Variants in P2RX5 observed in about 807,000 individuals in gnomAD.
P2RX5 encodes the protein purinergic receptor P2X 5.
Under a neutral mutation model 54.1 loss-of-function variants are expected in P2RX5, and 46 were observed. The ratio of observed to expected loss-of-function variants is 0.85; its 90% CI spans 0.67 to 1.09. The LOEUF is 1.09. Ranked by LOEUF, P2RX5 falls within the 50% of genes least tolerant of loss-of-function variation. The pLI, the probability that P2RX5 is intolerant of heterozygous loss-of-function variation, is 0.00. For synonymous variants in P2RX5, 226 were observed against 226.4 expected (o/e 1.00, Z 0.02); for missense variants, 566 against 549.8 (o/e 1.03, Z -0.29).
the P2RX5 span, among the ~76,000 whole-genome samples, chr17:3,704,032 G>A: frequency 6.6e-6 from 1 of 152,106 alleles, no homozygotes; most frequent in Admixed American, 6.6e-5. Context: ...AACCCAGGAG[G>A]CAGAGGTTGT....
chr17:3,690,728 G>C, intron 3 of P2RX5, 48 bp from the exon 4 acceptor site: 4 of 1,584,138 alleles, frequency 2.5e-6, no homozygotes, highest in Admixed American at 1.7e-5. Context: ...CCCCAGCTCA[G>C]AGCCGGGTCC....
chr17:3,680,161 GTCCTCCACCCTGCA>G (rs2050213496), intron 10 of P2RX5, among the ~76,000 whole-genome samples: 5 of 60,076 alleles, frequency 8.3e-5, no homozygotes, highest in Admixed American at 1.8e-4. Flanking sequence ...TCCATCCGGT[GTCCTCCACCCTGCA>G]TCCTCCACCC....
the P2RX5 span, chr17:3,716,784 G>C: frequency 6.3e-7 from 1 of 1,587,888 alleles, no homozygotes; most frequent in Middle Eastern, 1.7e-4. Flanking sequence ...CATCTTTCAG[G>C]AAGACGACAG....
intron 11 of P2RX5, chr17:3,677,963 G>A (rs2050141802): frequency 1.0e-6 from 1 of 985,422 alleles, no homozygotes. Context: ...AGAGATGGCT[G>A]TGCCTGGAAG....
the P2RX5 span, among the ~76,000 whole-genome samples, chr17:3,709,108 C>T: frequency 2.6e-5 from 4 of 152,088 alleles, no homozygotes; most frequent in East Asian, 1.9e-4. Context: ...CCTGCCACAA[C>T]GCCAGGCTAA....
chr17:3,690,187 C>G (rs767968164), intron 5 of P2RX5, 37 bp from the exon 6 acceptor site: 1 of 1,573,840 alleles, frequency 6.4e-7, no homozygotes, highest in Non-Finnish European at 8.7e-7. Context: ...CCAGGAGGCC[C>G]CACCCCTGTG....
chr17:3,700,564 C>T (rs1216961492), upstream of P2RX5, among the ~76,000 whole-genome samples: 1 of 151,378 alleles, frequency 6.6e-6, no homozygotes, highest in African/African-American at 2.4e-5. Flanking sequence ...AAGTCAGGGA[C>T]ATTTCCAAAA....
the P2RX5 span, chr17:3,717,325 C>G: frequency 6.5e-6 from 1 of 153,414 alleles, no homozygotes; most frequent in South Asian, 2.0e-4. Context: ...TGGTCTTCCC[C>G]TCACCAGACT....
rs1567736266 is a variant in P2RX5, at chr17:3,688,756, C to T, written c.757G>A (p.Gly253Ser). The stretch of plus-strand genomic sequence containing the variant: ...CATTCAATATTAATTCCTATCACGC[C>T]ACCCTTGATAAAAGAGAGATGAGGG... ...SDFQDIALEG[G>S]VIGINIEWNC... The change falls in exon 8 of 12, where the codon GGC (glycine) becomes AGC (serine). Residue 253 changes from glycine to serine, a missense_variant. Gly to Ser is a moderately conservative substitution (Grantham distance 56). Coordinates refer to ENST00000225328, the MANE Select transcript of P2RX5 (RefSeq NM_002561.4). 1 of 1,614,092 alleles carries T rather than the reference C, an allele frequency of 6.2e-7. No homozygotes were observed. Among genetic ancestry groups the T allele is most frequent in the East Asian group, 2.2e-5 (1 of 44,896 alleles).
chr17:3,716,843 CAAG>C, the P2RX5 span: 1 of 1,159,250 alleles, frequency 8.6e-7, no homozygotes, highest in Non-Finnish European at 1.3e-6. Flanking sequence ...GTGAAGCAAA[CAAG>C]GAAAAAATCC....
At chr17:3,695,782 C>A in intron 1 of P2RX5, 87 bp downstream of exon 1, 2 of 1,542,570 alleles carry the variant, frequency 1.3e-6, no homozygotes, top group South Asian at 1.1e-5. Flanking sequence ...TGCACGCCTG[C>A]GAATTCCAGG....
At chr17:3,723,285 C>T in the P2RX5 span, 1 of 1,599,594 alleles carries the variant, frequency 6.3e-7, no homozygotes, top group Non-Finnish European at 8.6e-7. Context: ...CAGTCTCAAA[C>T]ACCTCCTCAG....
chr17:3,708,204 C>A, the P2RX5 span, among the ~76,000 whole-genome samples: 1 of 152,182 alleles, frequency 6.6e-6, no homozygotes. Flanking sequence ...TTCAGACAGA[C>A]CACCAATGAT....
intron 9 of P2RX5, among the ~76,000 whole-genome samples, chr17:3,684,837 T>C (rs895333132): frequency 2.6e-4 from 2 of 7,746 alleles, no homozygotes; most frequent in African/African-American, 2.7e-4. Context: ...CCTGCCCCCT[T>C]TTTTTTTTTT....
At chr17:3,705,007 C>CA in the P2RX5 span, among the ~76,000 whole-genome samples, 2 of 152,012 alleles carry the variant, frequency 1.3e-5, no homozygotes, top group African/African-American at 4.8e-5. Flanking sequence ...ACTCTCGTCT[C>CA]AAAAAAAGAG....
At chr17:3,676,482 A>C (rs115468688) in intron 11 of P2RX5, 1 of 984,136 alleles carries the variant, frequency 1.0e-6, no homozygotes, top group African/African-American at 1.8e-5. Flanking sequence ...TGTAAGTATT[A>C]CCCAGTCAAA....
Position 3,688,749 on chromosome 17 carries a change from A to G in P2RX5, c.764T>C (p.Ile255Thr). Residue 255 changes from isoleucine (I) to threonine (T), a missense_variant, in exon 8 of 12, where the codon ATA becomes ACA. Transcript: ENST00000225328. ...ACAGTTCCATTCAATATTAATTCCT[A>G]TCACGCCACCCTTGATAAAAGAGAG... ...FQDIALEGGV[I>T]GINIEWNCDL... The G allele has an allele frequency of 6.2e-7, 1 of 1,614,028 alleles. No individual in the cohort carries two copies. Among genetic ancestry groups the G allele is most frequent in the Non-Finnish European group, 8.5e-7 (1 of 1,179,962 alleles).
intron 9 of P2RX5, 55 bp from the exon 10 acceptor site, chr17:3,682,033 T>C: frequency 8.2e-7 from 1 of 1,219,508 alleles, no homozygotes; most frequent in Non-Finnish European, 1.2e-6. Flanking sequence ...GCACTGTTCA[T>C]TTAGGGCACT....
chr17:3,679,308 G>C (rs1231884991), intron 11 of P2RX5, among the ~76,000 whole-genome samples: 3 of 152,212 alleles, frequency 2.0e-5, no homozygotes, highest in East Asian at 1.9e-4. Flanking sequence ...TCCAGGCAGA[G>C]AGTCAGTGCT....
Sources: allele counts gnomAD v4.1 joint callset (sites outside exome capture counted in the v4.1 genomes callset), GRCh38; gene constraint gnomAD v4.1.1; transcripts MANE v1.5; gene names NCBI Gene and HGNC (gene_info 2026-07-23, HGNC 2026-07-21).